Variants in INPP4B observed in about 807,000 individuals in gnomAD.
INPP4B encodes the protein inositol polyphosphate-4-phosphatase type II B.
In INPP4B, 55 loss-of-function variants were observed where a neutral mutation model predicts 122.5. The ratio of observed to expected loss-of-function variants is 0.45; its 90% CI spans 0.36 to 0.56. INPP4B has a LOEUF of 0.56. INPP4B is among the 20% of genes least tolerant of loss of function. INPP4B has a pLI of 0.00. For missense variants in INPP4B, 1,000 were observed against 1,097.7 expected (o/e 0.91, Z 1.26); for synonymous variants, 403 against 388.7 (o/e 1.04, Z -0.43).
intron 23 of INPP4B, among the ~76,000 whole-genome samples, chr4:142,094,939 G>A (rs561350392): frequency 6.6e-6 from 1 of 152,154 alleles, no homozygotes; most frequent in African/African-American, 2.4e-5. Flanking sequence ...TGAGGAAAGA[G>A]GTAATAAGAA....
intron 15 of INPP4B, among the ~76,000 whole-genome samples, chr4:142,183,517 A>G (rs3775670): frequency 0.099 from 15,095 of 151,966 alleles, 981 homozygotes; most frequent in South Asian, 0.22. Flanking sequence ...CAAAGCTCTG[A>G]AAAATATAGT....
At chr4:142,192,651 C>A (rs1836511784) in intron 15 of INPP4B, among the ~76,000 whole-genome samples, 1 of 152,080 alleles carries the variant, frequency 6.6e-6, no homozygotes, top group African/African-American at 2.4e-5. Flanking sequence ...ATTGTTGTGT[C>A]TTTTTCAAGT....
At chr4:142,696,031 A>G (rs566627864) in intron 2 of INPP4B, among the ~76,000 whole-genome samples, 2 of 152,262 alleles carry the variant, frequency 1.3e-5, no homozygotes, top group African/African-American at 4.8e-5. Flanking sequence ...TAGGAGAATT[A>G]GACAGGTGCC....
chr4:142,680,508 A>G (rs904366445), intron 2 of INPP4B, among the ~76,000 whole-genome samples: 4 of 151,918 alleles, frequency 2.6e-5, no homozygotes, highest in African/African-American at 9.7e-5. Context: ...ATAAAAAACC[A>G]TGAAAAATAA....
chr4:142,540,345 A>G (rs1196484436), intron 2 of INPP4B, among the ~76,000 whole-genome samples: 2 of 150,674 alleles, frequency 1.3e-5, no homozygotes, highest in Non-Finnish European at 3.0e-5. Flanking sequence ...TTTTTTTTTC[A>G]CCCAGGCTCA....
chr4:142,364,460 C>A (rs1465795974), intron 7 of INPP4B, among the ~76,000 whole-genome samples: 2 of 151,992 alleles, frequency 1.3e-5, no homozygotes, highest in African/African-American at 2.4e-5. Context: ...AAGAGAATCC[C>A]TAATAGATAT....
intron 25 of INPP4B, among the ~76,000 whole-genome samples, chr4:142,059,727 G>A (rs1431377191): frequency 6.6e-6 from 1 of 152,050 alleles, no homozygotes; most frequent in African/African-American, 2.4e-5. Context: ...GCCTACATAG[G>A]CTCTAAAGCA....
rs537969048 is a variant in INPP4B at position 142,471,220 on chromosome 4, C to A, written c.-190-8494G>T. Among the ~76,000 whole-genome samples the A allele has an allele frequency of 1.5e-3, 229 of 152,122 alleles. 1 individual carries two copies. Among genetic ancestry groups the A allele is most frequent in the Middle Eastern group, 6.8e-3 (2 of 294 alleles). On this transcript the variant is annotated intron_variant, in intron 2 of 25. Transcript: ENST00000262992. ...AATGCTGTTATTTTTAATTAACGAT[C>A]AAAATAGATAATTCAAACAATGTTA...
At chr4:142,678,036 A>G (rs1202299274) in intron 2 of INPP4B, among the ~76,000 whole-genome samples, 1 of 151,942 alleles carries the variant, frequency 6.6e-6, no homozygotes, top group Non-Finnish European at 1.5e-5. Flanking sequence ...AAAAAGGTGT[A>G]GAACATATGA....
chr4:142,038,313 GTCTTC>G (rs1339395586), intron 25 of INPP4B, among the ~76,000 whole-genome samples: 3 of 152,024 alleles, frequency 2.0e-5, no homozygotes, highest in Non-Finnish European at 4.4e-5. Flanking sequence ...CATTTAAACT[GTCTTC>G]TCTTCTAACT....
chr4:142,787,268 A>C (rs1775892211), intron 1 of INPP4B, among the ~76,000 whole-genome samples: 1 of 152,150 alleles, frequency 6.6e-6, no homozygotes. Flanking sequence ...CTGGGAGGTG[A>C]GGCCTAGTGA....
intron 1 of INPP4B, among the ~76,000 whole-genome samples, chr4:142,818,542 T>C (rs1462744450): frequency 6.6e-6 from 1 of 152,098 alleles, no homozygotes. Context: ...GTAAATAATA[T>C]ACTTCAAAAT....
intron 23 of INPP4B, among the ~76,000 whole-genome samples, chr4:142,095,891 C>A (rs1285355797): frequency 6.6e-6 from 1 of 152,128 alleles, no homozygotes; most frequent in South Asian, 2.1e-4. Flanking sequence ...ATCGTCTTAA[C>A]CATCTCTCTA....
At position 142,112,628 on chromosome 4, in the gene INPP4B, A is replaced by G; in HGVS notation, c.2190T>C (p.Pro730=). 5.6e-6 allele frequency: 9 copies of G among 1,613,130 alleles called. No homozygotes were observed. Among genetic ancestry groups the G allele is most frequent in the Non-Finnish European group, 7.6e-6 (9 of 1,179,386 alleles). ...KLPARMFESL[P]LQIKEGQLLH... is the part of the protein sequence containing the mutation. ...GCAACTGTCCTTCTTTAATCTGTAG[A>G]GGTAGTGACTCAAACATTCTGGCTG... The change falls in exon 22 of 26, where the codon CCT becomes CCC. Residue 730 remains proline (P), a synonymous_variant. Transcript: ENST00000262992.
chr4:142,262,649 G>T (rs1740656376), intron 10 of INPP4B, among the ~76,000 whole-genome samples: 1 of 151,906 alleles, frequency 6.6e-6, no homozygotes, highest in African/African-American at 2.4e-5. Context: ...TGTCTCTCTG[G>T]TTCATTGCTG....
chr4:142,744,261 T>TTTCCATTATA (rs1768331745), intron 1 of INPP4B, among the ~76,000 whole-genome samples: 1 of 151,914 alleles, frequency 6.6e-6, no homozygotes, highest in Non-Finnish European at 1.5e-5. Flanking sequence ...GTTGAAGTTC[T>TTTCCATTATA]GCAATCTGAA....
intron 2 of INPP4B, among the ~76,000 whole-genome samples, chr4:142,636,358 T>A (rs1277913924): frequency 6.6e-6 from 1 of 152,032 alleles, no homozygotes; most frequent in Non-Finnish European, 1.5e-5. Context: ...ATAAACAAAA[T>A]AAATAATGTG....
chr4:142,757,235 C>A (rs369291825), intron 1 of INPP4B, among the ~76,000 whole-genome samples: 2 of 152,114 alleles, frequency 1.3e-5, no homozygotes, highest in African/African-American at 4.8e-5. Flanking sequence ...CATTCTCTAT[C>A]CAACCACATC....
intron 25 of INPP4B, among the ~76,000 whole-genome samples, chr4:142,079,249 A>T (rs1231865459): frequency 1.3e-5 from 2 of 152,028 alleles, no homozygotes; most frequent in Non-Finnish European, 2.9e-5. Flanking sequence ...TCACCTGAAT[A>T]GTGTACATTA....
Sources: allele counts gnomAD v4.1 joint callset (sites outside exome capture counted in the v4.1 genomes callset), GRCh38; gene constraint gnomAD v4.1.1; transcripts MANE v1.5; gene names NCBI Gene and HGNC (gene_info 2026-07-23, HGNC 2026-07-21).